Variants in FOXN3 observed in about 807,000 individuals in gnomAD.
The protein encoded by FOXN3 is forkhead box N3.
A neutral mutation model predicts 38.4 loss-of-function variants in FOXN3; 7 were observed. That is an observed-to-expected ratio of 0.18 (90% CI 0.10 to 0.34). The LOEUF (loss-of-function observed/expected upper bound fraction) is 0.34, where lower values mean the gene tolerates loss of function less well. FOXN3 is among the 10% of genes least tolerant of loss of function. The probability of loss-of-function intolerance (pLI) is 1.00; values close to 1 mark genes in which losing one functional copy is unlikely to be tolerated. For missense variants in FOXN3, 456 were observed against 613.4 expected (o/e 0.74, Z 2.71); for synonymous variants, 230 against 242.2 (o/e 0.95, Z 0.47).
chr14:89,229,767 A>G (rs901393871), intron 4 of FOXN3, among the ~76,000 whole-genome samples: 5 of 152,194 alleles, frequency 3.3e-5, no homozygotes, highest in Non-Finnish European at 5.9e-5. Flanking sequence ...CGCTGAGGCC[A>G]ATAAGAGATA....
At chr14:89,411,557 G>A (rs1566645636) in intron 2 of FOXN3, among the ~76,000 whole-genome samples, 1 of 152,202 alleles carries the variant, frequency 6.6e-6, no homozygotes, top group Non-Finnish European at 1.5e-5. Context: ...TGGTGGCAGT[G>A]TATATACACA....
At chr14:89,192,191 T>C (rs1887967926) in intron 4 of FOXN3, among the ~76,000 whole-genome samples, 1 of 146,780 alleles carries the variant, frequency 6.8e-6, no homozygotes, top group African/African-American at 2.5e-5. Flanking sequence ...ATATATTAAC[T>C]ACAATGCACA....
chr14:89,440,676 C>T (rs1433882421), intron 1 of FOXN3, among the ~76,000 whole-genome samples: 1 of 152,200 alleles, frequency 6.6e-6, no homozygotes, highest in Non-Finnish European at 1.5e-5. Context: ...TCCTATAAAA[C>T]GGCCCCACCC....
intron 1 of FOXN3, among the ~76,000 whole-genome samples, chr14:89,460,343 C>G (rs533089276): frequency 1.3e-5 from 2 of 152,134 alleles, no homozygotes; most frequent in African/African-American, 4.8e-5. Flanking sequence ...TAGTAACCAA[C>G]AGGAATCGCT....
intron 1 of FOXN3, among the ~76,000 whole-genome samples, chr14:89,429,534 T>C (rs1209234250): frequency 6.6e-6 from 1 of 151,872 alleles, no homozygotes; most frequent in Admixed American, 6.6e-5. Flanking sequence ...ACAACTGATT[T>C]TTTTTTTTTT....
At chr14:89,373,161 G>C (rs555976957) in intron 2 of FOXN3, among the ~76,000 whole-genome samples, 1 of 151,888 alleles carries the variant, frequency 6.6e-6, no homozygotes, top group South Asian at 2.1e-4. Flanking sequence ...GCGGGACCCT[G>C]TCTCAAAAAA....
At chr14:89,497,030 C>G (rs1456328476) in intron 1 of FOXN3, among the ~76,000 whole-genome samples, 1 of 152,192 alleles carries the variant, frequency 6.6e-6, no homozygotes, top group Non-Finnish European at 1.5e-5. Context: ...TCTCAGCTTA[C>G]TGCAACCTCC....
chr14:89,279,998 T>C (rs1886410796), intron 4 of FOXN3, among the ~76,000 whole-genome samples: 1 of 152,160 alleles, frequency 6.6e-6, no homozygotes, highest in Non-Finnish European at 1.5e-5. Flanking sequence ...TAAACAGCTC[T>C]CAACCAATCA....
In FOXN3 at chr14:89,463,778, C is replaced by T. The variant is rs915082463; in HGVS notation, c.-14-51288G>A. Among the ~76,000 whole-genome samples, 78 of 130,862 alleles carry T rather than the reference C, an allele frequency of 6.0e-4. 1 individual carries two copies. The highest frequency in any genetic ancestry group is 8.1e-4 in the Non-Finnish European group (49 of 60,710). The allele number at this position is 130,862 out of a possible 152,430, so 85.9% of individuals were successfully genotyped here. A position where few individuals can be genotyped will look rare whatever the true frequency, so the allele number is the denominator to read the frequency against. ...CAGAGATATGCAGGGGTAGTGGTCT[C>T]TCTCTCTTTTTTTTTTTTTTTTTGA... On this transcript the variant is annotated intron_variant, in intron 1 of 6. Transcript: ENST00000345097.
rs1004177055 is a variant in FOXN3, at chr14:89,426,914, G to A, written c.-14-14424C>T. ...GAAGGACAGGACCCGTGGGGTACAA[G>A]GGAGACAAAATTGTGACCGAGAAAT... On this transcript the variant is annotated intron_variant, in intron 1 of 6. Transcript: ENST00000345097. Among the ~76,000 whole-genome samples the A allele has an allele frequency of 3.3e-5, 5 of 152,016 alleles. No homozygotes were observed. The South Asian group carries it at 8.3e-4, about 25-fold the overall frequency.
chr14:89,252,061 CT>C (rs1297528977), intron 4 of FOXN3, among the ~76,000 whole-genome samples: 42 of 152,340 alleles, frequency 2.8e-4, no homozygotes, highest in Non-Finnish European at 3.8e-4. Flanking sequence ...CTAGGTGCCA[CT>C]TTTACACTTG....
chr14:89,309,709 G>T (rs1481931134), intron 3 of FOXN3, among the ~76,000 whole-genome samples: 1 of 152,140 alleles, frequency 6.6e-6, no homozygotes, highest in Non-Finnish European at 1.5e-5. Flanking sequence ...TCCCACAGGG[G>T]TGCGACGGAA....
At chr14:89,272,945 T>A (rs905555140) in intron 4 of FOXN3, among the ~76,000 whole-genome samples, 2 of 152,248 alleles carry the variant, frequency 1.3e-5, no homozygotes, top group East Asian at 1.9e-4. Context: ...TGAAATTTTT[T>A]GCTGAAATTG....
intron 1 of FOXN3, among the ~76,000 whole-genome samples, chr14:89,511,170 T>C (rs947811777): frequency 1.2e-4 from 5 of 42,914 alleles, no homozygotes; most frequent in Admixed American, 3.3e-4. Flanking sequence ...TCTTTCTTTC[T>C]TTCTTTCTTT....
rs1555358045 is a variant in FOXN3, at chr14:89,511,141, T to TTTCTTTCTTTCTTTC, written c.-14-98652_-14-98651insGAAAGAAAGAAAGAA. Among the ~76,000 whole-genome samples, 11 of 21,004 alleles carry TTTCTTTCTTTCTTTC rather than the reference T, an allele frequency of 5.2e-4. 1 individual carries two copies. Among genetic ancestry groups the TTTCTTTCTTTCTTTC allele is most frequent in the African/African-American group, 9.3e-4 (10 of 10,732 alleles). The allele number at this position is 21,004 out of a possible 152,430, so 13.8% of individuals were successfully genotyped here. Reference sequence around the variant, plus strand: ...CTTGGTGTCTTTCTTTCTTTCTTTCTTTTCTTTCTTTCTTTCTTTCTTTCT... The same window carrying TTTCTTTCTTTCTTTC: ...CTTGGTGTCTTTCTTTCTTTCTTTCTTTCTTTCTTTCTTTCTTTCTTTCTTTCTTTCTTTCTTTCT... On this transcript the variant is annotated intron_variant, in intron 1 of 6. Coordinates refer to the FOXN3 transcript ENST00000345097.
At position 89,156,622 on chromosome 14, in the gene FOXN3, G is replaced by C. The variant is rs992439154; in HGVS notation, c.*5792C>G. The C allele has an allele frequency of 6.6e-6, 1 of 151,224 alleles. No individual in the cohort carries two copies. The highest frequency in any genetic ancestry group is 2.4e-5 in the African/African-American group (1 of 41,124). The allele number at this position is 151,224 out of a possible 1,614,324, so 9.4% of individuals were successfully genotyped here. On this transcript the variant is annotated 3_prime_UTR_variant, in exon 6 of 6. Coordinates refer to ENST00000557258, the MANE Select transcript of FOXN3 (RefSeq NM_005197.4). ...TCAATAGTAAACCTCTTGGTCTTCT[G>C]ATTGCTTTATCACTTTTTTTTTTTT... is the stretch of plus-strand genomic sequence containing the variant.
intron 4 of FOXN3, among the ~76,000 whole-genome samples, chr14:89,266,347 A>G (rs979717277): frequency 6.6e-6 from 1 of 152,144 alleles, no homozygotes; most frequent in Non-Finnish European, 1.5e-5. Flanking sequence ...CTCTTCTTAC[A>G]AAGACACCAG....
At chr14:89,287,749 T>TAAAAAA (rs58930677) in intron 3 of FOXN3, among the ~76,000 whole-genome samples, 1 of 129,704 alleles carries the variant, frequency 7.7e-6, no homozygotes, top group Non-Finnish European at 1.6e-5. Context: ...TAAAGAATGC[T>TAAAAAA]AAAAAAAAAA....
intron 3 of FOXN3, among the ~76,000 whole-genome samples, chr14:89,342,612 C>T (rs1479619709): frequency 6.6e-6 from 1 of 151,932 alleles, no homozygotes; most frequent in Admixed American, 6.6e-5. Context: ...TCATCCCCTC[C>T]AATTTTTTAA....
Sources: gnomAD v4.1 joint callset for allele counts (sites outside exome capture counted in the v4.1 genomes callset) on GRCh38, gnomAD v4.1.1 for gene constraint, MANE v1.5 for transcripts, NCBI Gene and HGNC (gene_info 2026-07-23, HGNC 2026-07-21) for gene names.